PDE8B: variants seen among roughly 807,000 people sequenced by gnomAD.
The protein encoded by PDE8B is high affinity cAMP-specific and IBMX-insensitive 3',5'-cyclic phosphodiesterase 8B.
PDE8B carries 26 observed loss-of-function variants against 101.3 expected under a neutral mutation model. The observed-to-expected ratio is 0.26, with a 90% confidence interval of 0.19 to 0.36. The LOEUF (loss-of-function observed/expected upper bound fraction) is 0.36. PDE8B is among the 10% of genes least tolerant of loss of function. The probability of loss-of-function intolerance (pLI) is 1.00; values close to 1 mark genes in which losing one functional copy is unlikely to be tolerated. For missense variants in PDE8B, 810 were observed against 1,163.1 expected, an observed-to-expected ratio of 0.70 and a Z score of 4.42; for synonymous variants, 424 against 429.3, an observed-to-expected ratio of 0.99 and a Z score of 0.15.
chr5:77,379,015 T>C (rs537150922), intron 10 of PDE8B, among the ~76,000 whole-genome samples: 2 of 152,322 alleles, frequency 1.3e-5, no homozygotes, highest in South Asian at 4.2e-4. Flanking sequence ...TAAGCCTGAA[T>C]AGTAGCTTGC....
chr5:77,114,363 G>C, the PDE8B span: 1 of 152,128 alleles, frequency 6.6e-6, no homozygotes, highest in Non-Finnish European at 1.5e-5. Flanking sequence ...CCTTTGCAGG[G>C]ACATGGATGA....
chr5:77,221,976 G>A (rs763286508), intron 1 of PDE8B, among the ~76,000 whole-genome samples: 35 of 152,280 alleles, frequency 2.3e-4, no homozygotes, highest in Middle Eastern at 3.4e-3. Context: ...TGTCCACCTA[G>A]CCCTCTCTAG....
chr5:77,158,264 A>T, the PDE8B span, among the ~76,000 whole-genome samples: 1 of 152,228 alleles, frequency 6.6e-6, no homozygotes, highest in East Asian at 1.9e-4. Flanking sequence ...ATGCACAAAG[A>T]ATTAACTCTG....
chr5:77,309,926 C>T lies in PDE8B; in HGVS notation c.340-2068C>T, dbSNP rs527760023. 7.5e-5 allele frequency among the ~76,000 whole-genome samples: 9 copies of T among 120,244 alleles called. No homozygotes were observed. In the East Asian group the frequency reaches 2.5e-3, roughly 33 times the overall value. The allele number at this position is 120,244 out of a possible 152,430, so 78.9% of individuals were successfully genotyped here. ...TGAGCCACCATGCCCAACTGGTTTCCCTTTTTAATCATTAATCTTTTTTTT... is the reference window on the plus strand; with the variant it reads ...TGAGCCACCATGCCCAACTGGTTTCTCTTTTTAATCATTAATCTTTTTTTT... On this transcript the variant is annotated intron_variant, in intron 1 of 21. Coordinates refer to ENST00000264917, the MANE Select transcript of PDE8B (RefSeq NM_003719.5).
At chr5:77,290,715 C>T in intron 1 of PDE8B, 2 of 1,498,194 alleles carry the variant, frequency 1.3e-6, no homozygotes, top group Non-Finnish European at 1.9e-6. Context: ...TGGCCATGCA[C>T]TGATTGAGCA....
chr5:77,421,875 C>A lies in PDE8B; in HGVS notation c.2305C>A (p.Gln769Lys). ...TGCTGGGAAGAACTTCCCTGAAAAC[C>A]AAATCCTGATCAAACGCATGATGAT... ...NPAGKNFPEN[Q>K]ILIKRMMIKC... Residue 769 changes from glutamine (Q) to lysine (K), a missense_variant, in exon 20 of 22, where the codon CAA (glutamine) becomes AAA (lysine). This residue lies in a region of PDE8B where 325 missense variants were observed against 560.9 expected (regional missense o/e 0.58). Coordinates refer to ENST00000264917, the MANE Select transcript of PDE8B (RefSeq NM_003719.5). 6.2e-7 allele frequency: 1 copy of A among 1,614,086 alleles called. No homozygotes were observed. The highest frequency in any genetic ancestry group is 8.5e-7 in the Non-Finnish European group (1 of 1,179,980).
intron 12 of PDE8B, among the ~76,000 whole-genome samples, chr5:77,405,672 G>A (rs1448657561): frequency 6.6e-6 from 1 of 152,112 alleles, no homozygotes; most frequent in Non-Finnish European, 1.5e-5. Context: ...CCAGTAAAGA[G>A]GACAGAAGAG....
At chr5:77,141,930 T>C in the PDE8B span, 2 of 152,176 alleles carry the variant, frequency 1.3e-5, no homozygotes, top group Non-Finnish European at 2.9e-5. Context: ...GAATGGATTG[T>C]TCCCATATAT....
chr5:77,295,707 C>G (rs1262336511), intron 1 of PDE8B, among the ~76,000 whole-genome samples: 1 of 152,180 alleles, frequency 6.6e-6, no homozygotes, highest in African/African-American at 2.4e-5. Context: ...AGAGCTCATT[C>G]AACCTTATTT....
the PDE8B span, among the ~76,000 whole-genome samples, chr5:77,118,086 T>A: frequency 6.6e-6 from 1 of 151,942 alleles, no homozygotes; most frequent in Admixed American, 6.6e-5. Context: ...AGGCATGCAC[T>A]ACCACACCCG....
At chr5:77,205,873 T>G (rs1222396428), upstream of PDE8B, among the ~76,000 whole-genome samples, 1 of 152,186 alleles carries the variant, frequency 6.6e-6, no homozygotes, top group Non-Finnish European at 1.5e-5. Flanking sequence ...TGTGATTTGT[T>G]GAGCCATTCC....
chr5:77,250,083 C>G (rs771776871), intron 1 of PDE8B, among the ~76,000 whole-genome samples: 3 of 152,152 alleles, frequency 2.0e-5, no homozygotes, highest in Non-Finnish European at 2.9e-5. Flanking sequence ...GAAAAACATG[C>G]AATGCTTCTT....
intron 1 of PDE8B, among the ~76,000 whole-genome samples, chr5:77,223,441 A>G (rs979766244): frequency 1.5e-5 from 2 of 132,942 alleles, no homozygotes; most frequent in East Asian, 4.5e-4. Context: ...TCTGGAATGT[A>G]TTTTACAATT....
intron 11 of PDE8B, among the ~76,000 whole-genome samples, chr5:77,403,295 T>TGA (rs1792700506): frequency 2.0e-5 from 3 of 152,112 alleles, no homozygotes; most frequent in Non-Finnish European, 4.4e-5. Flanking sequence ...CCCTGGAAAA[T>TGA]AGGGACAAGG....
chr5:77,122,593 A>T, the PDE8B span, among the ~76,000 whole-genome samples: 1 of 152,146 alleles, frequency 6.6e-6, no homozygotes, highest in Admixed American at 6.5e-5. Context: ...CTTCTACCTC[A>T]TGTTTCCTGG....
chr5:77,145,545 A>T, the PDE8B span: 2 of 152,192 alleles, frequency 1.3e-5, no homozygotes, highest in Admixed American at 6.5e-5. Flanking sequence ...CTCTCCAGAG[A>T]TTAATGGTGT....
intron 1 of PDE8B, among the ~76,000 whole-genome samples, chr5:77,264,683 A>G (rs1761324944): frequency 6.6e-6 from 1 of 152,164 alleles, no homozygotes. Flanking sequence ...CAATTTTATT[A>G]TAATATCCTG....
rs1301526727 is a variant in PDE8B, at chr5:77,425,746, TGTG to T, written c.2419-15_2419-13del. 26 of 1,612,064 alleles carry T rather than the reference TGTG, an allele frequency of 1.6e-5. No homozygotes were observed. The highest frequency in any genetic ancestry group is 2.2e-5 in the Non-Finnish European group (26 of 1,178,336). On this transcript the variant is annotated intron_variant, in intron 20 of 21. Transcript: ENST00000264917. The stretch of plus-strand genomic sequence containing the variant: ...GTGTCTCGCATGTCCTCCAGCCCTA[TGTG>T]GTGGTTTTTTCTTACAGACTGATGA...
In PDE8B at chr5:77,376,099, T is replaced by C. The variant is rs535962351; in HGVS notation, c.1167+22693T>C. Among the ~76,000 whole-genome samples, 7 of 152,118 alleles carry C rather than the reference T, an allele frequency of 4.6e-5. No homozygotes were observed. The South Asian group carries it at 1.0e-3, about 23-fold the overall frequency. On this transcript the variant is annotated intron_variant, in intron 10 of 21. Coordinates refer to ENST00000264917, the MANE Select transcript of PDE8B (RefSeq NM_003719.5). ...TAGAGATGGGATTTCTCCATGTGCC[T>C]TCATTTCTAGTGGAGCATTCCCAGG...
Sources: gnomAD v4.1 joint callset for allele counts (sites outside exome capture counted in the v4.1 genomes callset) on GRCh38, gnomAD v4.1.1 for gene constraint, gnomAD v4.1.1 regional missense constraint, MANE v1.5 for transcripts, NCBI Gene and HGNC (gene_info 2026-07-23, HGNC 2026-07-21) for gene names.